The following KIAA1671 variants were observed in gnomAD, a reference collection of about 807,000 sequenced individuals.
KIAA1671 encodes the protein uncharacterized protein KIAA1671.
A neutral mutation model predicts 131.2 loss-of-function variants in KIAA1671; 52 were observed. The ratio of observed to expected loss-of-function variants is 0.40; its 90% CI spans 0.32 to 0.50. The LOEUF (loss-of-function observed/expected upper bound fraction) is 0.50, where lower values mean the gene tolerates loss of function less well. KIAA1671 is among the 20% of genes least tolerant of loss of function. KIAA1671 has a pLI of 0.73. For missense variants in KIAA1671, 2,360 were observed against 2,364.2 expected (o/e 1.00, Z 0.04); for synonymous variants, 1,003 against 961.6 (o/e 1.04, Z -0.80).
intron 6 of KIAA1671, among the ~76,000 whole-genome samples, chr22:25,086,223 G>A (rs1268532785): frequency 2.6e-5 from 4 of 152,216 alleles, no homozygotes; most frequent in Admixed American, 6.5e-5. Flanking sequence ...AGCATGTCTT[G>A]TTCATCTCTG....
chr22:25,033,251 C>A (rs947782086), intron 4 of KIAA1671, among the ~76,000 whole-genome samples: 1 of 151,848 alleles, frequency 6.6e-6, no homozygotes, highest in African/African-American at 2.4e-5. Flanking sequence ...TTTTAATTAG[C>A]CAGATGTGGT....
At chr22:24,970,836 G>GT (rs1922576573) in intron 1 of KIAA1671, among the ~76,000 whole-genome samples, 1 of 151,966 alleles carries the variant, frequency 6.6e-6, no homozygotes, top group African/African-American at 2.4e-5. Flanking sequence ...GTTTAGACAA[G>GT]CTTGATCTAG....
rs1176191189 is a variant in KIAA1671, at chr22:25,028,844, C to T, written c.845C>T (p.Pro282Leu). The change falls in exon 3 of 13, where the codon CCC becomes CTC. Residue 282 changes from proline (P) to leucine (L), a missense_variant. Pro to Leu is a moderately conservative substitution (Grantham distance 98). Coordinates refer to ENST00000358431, the MANE Select transcript of KIAA1671 (RefSeq NM_001145206.2). ...AAGACGTGGGTGAGGAAGCCCAGGC[C>T]CTTGTCCATGGACCTCACGGCCCGG... Reference protein sequence around the residue: ...PEKTWVRKPRPLSMDLTARFE... With the variant: ...PEKTWVRKPRLLSMDLTARFE... The T allele has an allele frequency of 5.2e-6, 8 of 1,550,788 alleles. No homozygotes were observed. The highest frequency in any genetic ancestry group is 1.2e-5 in the South Asian group (1 of 84,006).
intron 1 of KIAA1671, among the ~76,000 whole-genome samples, chr22:25,017,314 C>T (rs1925382374): frequency 6.6e-6 from 1 of 152,114 alleles, no homozygotes; most frequent in African/African-American, 2.4e-5. Context: ...ACCCAGAAGG[C>T]AGAGGCTGCA....
At chr22:24,957,671 CTTTTTTTTTTTTT>C (rs886130979) in intron 1 of KIAA1671, among the ~76,000 whole-genome samples, 1 of 100,322 alleles carries the variant, frequency 1.0e-5, no homozygotes. Context: ...TCTTTTGTTC[CTTTTTTTTTTTTT>C]TTTTTTTTTT....
chr22:25,003,043 G>A (rs1166359593), intron 1 of KIAA1671, among the ~76,000 whole-genome samples: 13 of 152,146 alleles, frequency 8.5e-5, no homozygotes, highest in African/African-American at 3.1e-4. Flanking sequence ...AAAGTGCTGG[G>A]ATTACAGGCA....
chr22:24,980,209 A>T (rs1215706064), intron 1 of KIAA1671, among the ~76,000 whole-genome samples: 1 of 151,144 alleles, frequency 6.6e-6, no homozygotes, highest in Non-Finnish European at 1.5e-5. Flanking sequence ...TCCACGTTTT[A>T]GCTAGTATGA....
At chr22:25,062,876 T>C (rs1239714533) in intron 6 of KIAA1671, 1 of 145,774 alleles carries the variant, frequency 6.9e-6, no homozygotes, top group Non-Finnish European at 1.5e-5. Context: ...ATTTCAAATG[T>C]GCTGCAGCTG....
intron 1 of KIAA1671, among the ~76,000 whole-genome samples, chr22:24,993,630 A>G (rs1385821855): frequency 6.6e-6 from 1 of 152,070 alleles, no homozygotes; most frequent in African/African-American, 2.4e-5. Flanking sequence ...TGGCTTATCC[A>G]TTGCCTGTCT....
At chr22:25,059,967 C>T (rs994085862) in intron 6 of KIAA1671, 2 of 152,192 alleles carry the variant, frequency 1.3e-5, no homozygotes, top group Admixed American at 6.5e-5. Context: ...GCAAGGCACC[C>T]GGGGCACCTT....
intron 1 of KIAA1671, among the ~76,000 whole-genome samples, chr22:24,975,715 A>G (rs891543459): frequency 6.6e-6 from 1 of 152,206 alleles, no homozygotes; most frequent in Middle Eastern, 3.2e-3. Context: ...GGATCCCATC[A>G]GACAGGCAGT....
intron 6 of KIAA1671, among the ~76,000 whole-genome samples, chr22:25,119,510 A>G (rs1308991762): frequency 6.6e-6 from 1 of 152,256 alleles, no homozygotes; most frequent in Non-Finnish European, 1.5e-5. Context: ...TAGAGGAGAA[A>G]ACAGGCAGGG....
At position 25,040,899 on chromosome 22, in the gene KIAA1671, G is replaced by A. The variant is rs1034919235; in HGVS notation, c.3769G>A (p.Gly1257Arg). ...RRSLKEMPDT[G>R]GLWKPASSAE... ...GAGCCTGAAGGAGATGCCCGATACC[G>A]GGGGTCTCTGGAAACCGGCCAGTTC... The change falls in exon 5 of 13, where the codon GGG becomes AGG. Residue 1257 changes from glycine to arginine, a missense_variant. Physicochemically the swap from Gly to Arg is moderately radical, Grantham distance 125 (BLOSUM62 -2). This residue lies in a region of KIAA1671 where 1,161 missense variants were observed against 1,204.7 expected (regional missense o/e 0.96). Transcript: ENST00000358431. 40 of 1,512,902 alleles carry A rather than the reference G, an allele frequency of 2.6e-5. No individual in the cohort carries two copies. The Middle Eastern group carries it at 8.6e-4, about 33-fold the overall frequency. 93.7% of individuals were successfully genotyped at this position (1,512,902 alleles called of 1,614,324 possible).
In KIAA1671 at chr22:25,039,416, C is replaced by T; in HGVS notation, c.2286C>T (p.Leu762=). The change falls in exon 5 of 13, where the codon CTC becomes CTT. Residue 762 remains leucine (L), a synonymous_variant. Transcript: ENST00000358431. ...AGAAAGCGGTCACGCTCCGCAGCCT[C>T]AGGTCTTGGCTCTCACTGAAGGACA... ...PEEKAVTLRS[L]RSWLSLKDRQ... 2.6e-6 allele frequency: 4 copies of T among 1,551,814 alleles called. No individual in the cohort carries two copies. The highest frequency in any genetic ancestry group is 3.9e-5 in the Admixed American group (2 of 51,014).
chr22:25,184,919 A>G, intron 10 of KIAA1671, 58 bp from the exon 11 acceptor site: 1 of 1,544,884 alleles, frequency 6.5e-7, no homozygotes, highest in African/African-American at 1.4e-5. Flanking sequence ...TTTGCATGGG[A>G]GGGGGCCCTT....
At chr22:25,015,503 G>A (rs1359396473) in intron 1 of KIAA1671, among the ~76,000 whole-genome samples, 3 of 152,292 alleles carry the variant, frequency 2.0e-5, no homozygotes, top group South Asian at 2.1e-4. Flanking sequence ...CGGAGGTTAA[G>A]CAGAGGGGTA....
chr22:25,065,708 C>T (rs529483452), intron 6 of KIAA1671, among the ~76,000 whole-genome samples: 31 of 150,490 alleles, frequency 2.1e-4, no homozygotes, highest in African/African-American at 6.3e-4. Flanking sequence ...GGTGCGATCT[C>T]GGCTTACTGC....
chr22:25,175,158 G>A (rs1933978459), intron 8 of KIAA1671: 1 of 152,216 alleles, frequency 6.6e-6, no homozygotes, highest in South Asian at 2.1e-4. Context: ...CCTTTCCCCT[G>A]GGAGCCCCAC....
intron 6 of KIAA1671, among the ~76,000 whole-genome samples, chr22:25,143,942 G>T (rs913110013): frequency 1.3e-5 from 2 of 152,040 alleles, no homozygotes; most frequent in African/African-American, 4.8e-5. Flanking sequence ...AAGCTGAGGT[G>T]GGAGGATCCC....
Sources: allele counts gnomAD v4.1 joint callset (sites outside exome capture counted in the v4.1 genomes callset), GRCh38; gene constraint gnomAD v4.1.1; regional missense constraint gnomAD v4.1.1; transcripts MANE v1.5; gene names NCBI Gene and HGNC (gene_info 2026-07-23, HGNC 2026-07-21).